OPCML: variants seen among roughly 807,000 people sequenced by gnomAD.
OPCML encodes the protein opioid-binding protein/cell adhesion molecule.
Under a neutral mutation model 37.8 loss-of-function variants are expected in OPCML, and 13 were observed. The ratio of observed to expected loss-of-function variants is 0.34; its 90% CI spans 0.22 to 0.55. OPCML has a LOEUF of 0.55. OPCML is among the 20% of genes least tolerant of loss of function. OPCML has a pLI of 0.91. For missense variants in OPCML, 341 were observed against 435.6 expected (o/e 0.78, Z 1.93); for synonymous variants, 176 against 168.8 (o/e 1.04, Z -0.33).
intron 2 of OPCML, among the ~76,000 whole-genome samples, chr11:132,703,505 G>A (rs145584178): frequency 1.2e-4 from 18 of 152,178 alleles, no homozygotes; most frequent in African/African-American, 2.2e-4. Context: ...CATCTCTTCC[G>A]GTCTGTATAG....
intron 3 of OPCML, among the ~76,000 whole-genome samples, chr11:132,567,544 G>C (rs2096426638): frequency 6.6e-6 from 1 of 152,138 alleles, no homozygotes; most frequent in Non-Finnish European, 1.5e-5. Flanking sequence ...AATGTAAGTA[G>C]TCAGATATGG....
intron 7 of OPCML, among the ~76,000 whole-genome samples, chr11:132,429,441 G>A (rs1320655494): frequency 6.6e-6 from 1 of 152,174 alleles, no homozygotes; most frequent in African/African-American, 2.4e-5. Flanking sequence ...AGGCCATTTG[G>A]TGGGACTTGA....
At position 132,424,490 on chromosome 11, in the gene OPCML, C is replaced by T. The variant is rs141110911; in HGVS notation, c.917-4197G>A. Among the ~76,000 whole-genome samples, 41 of 152,162 alleles carry T rather than the reference C, an allele frequency of 2.7e-4. No individual in the cohort carries two copies. The East Asian group carries it at 4.3e-3, about 16-fold the overall frequency. ...TAAAATGCACCCGGATAAAAGCCCA[C>T]GGGTTTGGAAGAAAGGCGAAGGAGC... On this transcript the variant is annotated intron_variant, in intron 7 of 7. Transcript: ENST00000524381.
intron 1 of OPCML, among the ~76,000 whole-genome samples, chr11:133,082,026 G>A (rs908584639): frequency 1.3e-5 from 2 of 152,062 alleles, no homozygotes; most frequent in African/African-American, 2.4e-5. Flanking sequence ...GAGTCCTGCC[G>A]TTTCCTTCTA....
At chr11:133,175,106 T>C (rs1179527560) in intron 1 of OPCML, among the ~76,000 whole-genome samples, 3 of 152,214 alleles carry the variant, frequency 2.0e-5, no homozygotes, top group Non-Finnish European at 4.4e-5. Flanking sequence ...TTTAGCTAAC[T>C]TAGCCACAAA....
intron 2 of OPCML, among the ~76,000 whole-genome samples, chr11:132,701,644 T>C (rs541736941): frequency 3.9e-5 from 6 of 152,290 alleles, no homozygotes; most frequent in African/African-American, 1.2e-4. Flanking sequence ...TCCATTTAAA[T>C]TTAATGTACT....
intron 1 of OPCML, among the ~76,000 whole-genome samples, chr11:133,077,259 G>A (rs1432940537): frequency 6.6e-6 from 1 of 151,862 alleles, no homozygotes; most frequent in Non-Finnish European, 1.5e-5. Context: ...TGAGGAACAA[G>A]TACTGAGATT....
At chr11:133,257,151 TTAAAG>T (rs954509530) in intron 1 of OPCML, among the ~76,000 whole-genome samples, 4 of 152,192 alleles carry the variant, frequency 2.6e-5, no homozygotes, top group Admixed American at 6.5e-5. Context: ...TACTTAACTG[TTAAAG>T]TAAAGAGTTT....
chr11:132,745,799 T>C (rs1945614028), intron 2 of OPCML, among the ~76,000 whole-genome samples: 1 of 152,102 alleles, frequency 6.6e-6, no homozygotes, highest in African/African-American at 2.4e-5. Context: ...TGGTTAGGCA[T>C]TCAGGGTCAA....
At chr11:132,765,371 A>G (rs1343638335) in intron 2 of OPCML, among the ~76,000 whole-genome samples, 1 of 152,210 alleles carries the variant, frequency 6.6e-6, no homozygotes, top group Non-Finnish European at 1.5e-5. Flanking sequence ...CCTAAAGGAG[A>G]AGTTCTCCCA....
At chr11:132,945,824 C>T (rs1945734340) in intron 1 of OPCML, among the ~76,000 whole-genome samples, 1 of 152,166 alleles carries the variant, frequency 6.6e-6, no homozygotes, top group Admixed American at 6.5e-5. Flanking sequence ...GCTCTGTCAC[C>T]CAGGCTGGAG....
chr11:133,084,711 C>T (rs1948793264), intron 1 of OPCML, among the ~76,000 whole-genome samples: 1 of 152,172 alleles, frequency 6.6e-6, no homozygotes, highest in East Asian at 1.9e-4. Context: ...CATGGGGTCT[C>T]CATGTCCTTC....
chr11:132,722,607 C>G (rs914988632), intron 2 of OPCML, among the ~76,000 whole-genome samples: 1 of 152,084 alleles, frequency 6.6e-6, no homozygotes, highest in Non-Finnish European at 1.5e-5. Flanking sequence ...GAGGAGCTCA[C>G]TAGATTATTG....
intron 1 of OPCML, among the ~76,000 whole-genome samples, chr11:133,037,438 G>A (rs1270571881): frequency 6.6e-6 from 1 of 152,172 alleles, no homozygotes; most frequent in Non-Finnish European, 1.5e-5. Flanking sequence ...ATTGCATTGG[G>A]TAGGAGGTGG....
chr11:132,601,528 A>C (rs1275354539), intron 3 of OPCML, among the ~76,000 whole-genome samples: 2 of 152,192 alleles, frequency 1.3e-5, no homozygotes, highest in East Asian at 3.9e-4. Flanking sequence ...CTCACCTTGC[A>C]TCCCATCAGA....
intron 1 of OPCML, among the ~76,000 whole-genome samples, chr11:133,478,352 G>A (rs1034685167): frequency 6.6e-6 from 1 of 152,124 alleles, no homozygotes; most frequent in African/African-American, 2.4e-5. Context: ...CCATTTTAGC[G>A]AGGAAGAGGT....
intron 1 of OPCML, among the ~76,000 whole-genome samples, chr11:132,967,164 CTATTT>C (rs1393765195): frequency 6.6e-6 from 1 of 151,980 alleles, no homozygotes; most frequent in East Asian, 1.9e-4. Flanking sequence ...CTTTTTCACT[CTATTT>C]TATTGAGATA....
intron 3 of OPCML, among the ~76,000 whole-genome samples, chr11:132,582,846 G>GTTGTTTTTTTT (rs1555158670): frequency 4.6e-5 from 2 of 43,728 alleles, no homozygotes; most frequent in African/African-American, 9.1e-5. Context: ...TTTGTTTAAG[G>GTTGTTTTTTTT]TTTTTTTTTT....
At chr11:132,644,573 T>C (rs1450007490) in intron 3 of OPCML, among the ~76,000 whole-genome samples, 2 of 152,178 alleles carry the variant, frequency 1.3e-5, no homozygotes, top group African/African-American at 4.8e-5. Flanking sequence ...TAAAGCTGTT[T>C]ATGATAAAAA....
Sources: gnomAD v4.1 joint callset for allele counts (sites outside exome capture counted in the v4.1 genomes callset) on GRCh38, gnomAD v4.1.1 for gene constraint, MANE v1.5 for transcripts, NCBI Gene and HGNC (gene_info 2026-07-23, HGNC 2026-07-21) for gene names.